The following CNOT1 variants were observed in gnomAD, a reference collection of about 807,000 sequenced individuals.
CNOT1 encodes CCR4-associated factor 1.
Under a neutral mutation model 273.8 loss-of-function variants are expected in CNOT1, and 15 were observed. The ratio of observed to expected loss-of-function variants is 0.05; its 90% CI spans 0.04 to 0.08. The LOEUF (loss-of-function observed/expected upper bound fraction) is 0.08. CNOT1 is among the 10% of genes least tolerant of loss of function. CNOT1 has a pLI of 1.00. For missense variants in CNOT1, 1,644 were observed against 2,912.2 expected (o/e 0.56, Z 10.02); for synonymous variants, 1,022 against 1,005.5 (o/e 1.02, Z -0.31).
At chr16:58,556,705 CTTTTAATAATTCAAAT>C (rs751980270) in intron 19 of CNOT1, 126 bp downstream of exon 19, 56 of 1,379,310 alleles carry the variant, frequency 4.1e-5, no homozygotes, top group Middle Eastern at 2.5e-4. Context: ...ATACCTCTAA[CTTTTAATAATTCAAAT>C]TTGTGAATTT....
intron 35 of CNOT1, 41 bp from the exon 36 acceptor site, chr16:58,538,955 G>T: frequency 6.3e-7 from 1 of 1,597,560 alleles, no homozygotes; most frequent in Non-Finnish European, 8.5e-7. Flanking sequence ...GAAAAATACA[G>T]TGCTTGGCCC....
chr16:58,613,947 C>T (rs1371418592), intron 1 of CNOT1, among the ~76,000 whole-genome samples: 6 of 120,066 alleles, frequency 5.0e-5, no homozygotes, highest in African/African-American at 1.7e-4. Context: ...AAAAAATTAG[C>T]CGGGCGTGGT....
chr16:58,559,005 T>C (rs974975278), intron 17 of CNOT1, among the ~76,000 whole-genome samples: 4 of 152,240 alleles, frequency 2.6e-5, no homozygotes, highest in Admixed American at 2.0e-4. Context: ...AATCCCATCA[T>C]GGGGATGGGA....
intron 40 of CNOT1, chr16:58,533,267 G>A (rs2039824087): frequency 6.6e-6 from 1 of 152,434 alleles, no homozygotes; most frequent in Admixed American, 6.5e-5. Flanking sequence ...GCCAGGCATG[G>A]TGGCTCATGC....
chr16:58,557,992 C>T (rs189963187), intron 18 of CNOT1, among the ~76,000 whole-genome samples: 16 of 150,590 alleles, frequency 1.1e-4, no homozygotes, highest in East Asian at 7.7e-4. Flanking sequence ...CCCTGTCCCC[C>T]ACTACCCAAA....
Position 58,582,548 on chromosome 16 carries a change from T to C in CNOT1, c.1044+245A>G, listed in dbSNP as rs118057814. Among the ~76,000 whole-genome samples, 1,290 of 152,338 alleles carry C rather than the reference T, an allele frequency of 8.5e-3. 8 individuals are homozygous for C. Among genetic ancestry groups the C allele is most frequent in the Middle Eastern group, 0.024 (7 of 294 alleles). On this transcript the variant is annotated intron_variant, in intron 10 of 48. Transcript: ENST00000317147. ...AACCGAAGTAGAAGTGGCAAGATAA[T>C]TATGATTTTCACTGTTCTTATCCAC...
intron 7 of CNOT1, 144 bp from the exon 8 acceptor site, chr16:58,585,650 C>T (rs2041808470): frequency 9.5e-6 from 13 of 1,361,994 alleles, no homozygotes; most frequent in South Asian, 1.7e-5. Context: ...GCCTACTAGC[C>T]GAAGTTACGA....
intron 1 of CNOT1, among the ~76,000 whole-genome samples, chr16:58,622,848 CAAAAA>C (rs11372225): frequency 9.6e-6 from 1 of 104,454 alleles, no homozygotes; most frequent in African/African-American, 3.7e-5. Context: ...ACTCTTGACC[CAAAAA>C]AAAAAAAAAG....
intron 8 of CNOT1, among the ~76,000 whole-genome samples, 195 bp downstream of exon 8, chr16:58,585,143 G>T (rs949850814): frequency 6.6e-6 from 1 of 152,176 alleles, no homozygotes; most frequent in Non-Finnish European, 1.5e-5. Flanking sequence ...CTGGTGAGGG[G>T]AAGGAGATAA....
At chr16:58,526,445 G>A (rs1164207750) in intron 44 of CNOT1, among the ~76,000 whole-genome samples, 2 of 133,528 alleles carry the variant, frequency 1.5e-5, no homozygotes, top group Non-Finnish European at 3.1e-5. Flanking sequence ...TCCGGAATAA[G>A]ATTCCTCACT....
intron 13 of CNOT1, among the ~76,000 whole-genome samples, chr16:58,577,541 C>T (rs2041500188): frequency 6.6e-6 from 1 of 152,132 alleles, no homozygotes; most frequent in South Asian, 2.1e-4. Context: ...ATAATATAAA[C>T]TACTCCAAGT....
intron 47 of CNOT1, 71 bp downstream of exon 47, chr16:58,523,298 TA>T: frequency 7.0e-7 from 1 of 1,436,566 alleles, no homozygotes. Context: ...ACTGAAAGCA[TA>T]AAGAGGAAAA....
chr16:58,551,749 C>T lies in CNOT1; in HGVS notation c.3041G>A (p.Ser1014Asn). 1 of 1,614,214 alleles carries T rather than the reference C, an allele frequency of 6.2e-7. No individual in the cohort carries two copies. The highest frequency in any genetic ancestry group is 8.5e-7 in the Non-Finnish European group (1 of 1,180,036). ...KMQGSITTPG[S>N]IALAQAQAQA... ...AGCCTGGGCCTGAGCCAGTGCAATA[C>T]TTCCAGGGGTTGTGATAGAGCCTTG... The change falls in exon 23 of 49, where the codon AGT (serine) becomes AAT (asparagine). Residue 1014 changes from serine to asparagine, a missense_variant. Around this residue, in one of 13 missense-constraint regions of CNOT1, gnomAD observed 77 missense variants for 90.5 expected, o/e 0.85. Transcript: ENST00000317147.
chr16:58,549,533 G>A (rs2040386430), intron 25 of CNOT1, among the ~76,000 whole-genome samples, 186 bp downstream of exon 25: 1 of 151,996 alleles, frequency 6.6e-6, no homozygotes, highest in African/African-American at 2.4e-5. Flanking sequence ...AAAGGCACAG[G>A]GTATGCCTAT....
intron 19 of CNOT1, 65 bp downstream of exon 19, chr16:58,556,782 T>C: frequency 6.4e-7 from 1 of 1,572,244 alleles, no homozygotes. Flanking sequence ...CTAACACAAA[T>C]GAGACATACA....
intron 16 of CNOT1, among the ~76,000 whole-genome samples, chr16:58,567,560 A>AC (rs893557060): frequency 1.3e-5 from 2 of 151,812 alleles, no homozygotes; most frequent in African/African-American, 4.8e-5. Flanking sequence ...TCAAAAAAAA[A>AC]AAAAAAAACC....
chr16:58,598,381 G>C (rs1274640149), intron 2 of CNOT1, among the ~76,000 whole-genome samples: 1 of 142,162 alleles, frequency 7.0e-6, no homozygotes. Context: ...CTAGGCAGCT[G>C]AGCAAGACTC....
At chr16:58,585,667 C>T (rs2041808948) in intron 7 of CNOT1, among the ~76,000 whole-genome samples, 161 bp from the exon 8 acceptor site, 1 of 152,182 alleles carries the variant, frequency 6.6e-6, no homozygotes, top group Non-Finnish European at 1.5e-5. Flanking sequence ...ACGACTTTAA[C>T]ATCAATTCCA....
intron 1 of CNOT1, among the ~76,000 whole-genome samples, chr16:58,628,168 C>A (rs573537332): frequency 6.6e-6 from 1 of 152,324 alleles, no homozygotes; most frequent in East Asian, 1.9e-4. Context: ...GGAACCCACA[C>A]TTGTTGAAAA....
Sources: gnomAD v4.1 joint callset for allele counts (sites outside exome capture counted in the v4.1 genomes callset) on GRCh38, gnomAD v4.1.1 for gene constraint, gnomAD v4.1.1 regional missense constraint, MANE v1.5 for transcripts, NCBI Gene and HGNC (gene_info 2026-07-23, HGNC 2026-07-21) for gene names.